Variants in OGN observed in about 807,000 individuals in gnomAD.
OGN encodes the protein mimecan.
Under a neutral mutation model 30.8 loss-of-function variants are expected in OGN, and 19 were observed. The observed-to-expected ratio is 0.62, with a 90% CI of 0.43 to 0.90. OGN has a LOEUF of 0.90. OGN is among the 40% of genes least tolerant of loss of function. OGN has a pLI of 0.00. For missense variants in OGN, 283 were observed against 349.7 expected, an observed-to-expected ratio of 0.81 and a Z score of 1.52; for synonymous variants, 126 against 128.3, an observed-to-expected ratio of 0.98 and a Z score of 0.12.
At chr9:92,386,728 G>T (rs1327754020) in intron 5 of OGN, among the ~76,000 whole-genome samples, 1 of 152,050 alleles carries the variant, frequency 6.6e-6, no homozygotes, top group African/African-American at 2.4e-5. Context: ...TAGCTAAGTG[G>T]TTACTTCTTA....
At chr9:92,391,359 A>G (rs918760334) in intron 4 of OGN, among the ~76,000 whole-genome samples, 4 of 152,186 alleles carry the variant, frequency 2.6e-5, no homozygotes, top group African/African-American at 7.2e-5. Flanking sequence ...GTGAGCCGAG[A>G]TGGTGCCACT....
intron 4 of OGN, among the ~76,000 whole-genome samples, chr9:92,390,578 G>T (rs933015718): frequency 2.0e-5 from 3 of 151,184 alleles, no homozygotes; most frequent in African/African-American, 7.3e-5. Context: ...GTGTGTGTGT[G>T]TGTGTGTGTG....
In OGN at chr9:92,387,053, G is replaced by GAA. The variant is rs903436031; in HGVS notation, c.631-759_631-758dup. On this transcript the variant is annotated intron_variant, in intron 5 of 6. Coordinates refer to ENST00000375561, the MANE Select transcript of OGN (RefSeq NM_014057.5). ...ACAGAGCGAGACTCTGTCTCAAAAA[G>GAA]AAAAAAAAAAAAAAAAAAAAAAGAA... Among the ~76,000 whole-genome samples the GAA allele has an allele frequency of 1.3e-3, 64 of 50,150 alleles. 1 individual carries two copies. The highest frequency in any genetic ancestry group is 2.6e-3 in the African/African-American group (33 of 12,568). The allele number at this position is 50,150 out of a possible 152,430, so 32.9% of individuals were successfully genotyped here.
chr9:92,390,018 C>CT lies in OGN; in HGVS notation c.465dup (p.Glu156ArgfsTer21). The CT allele has an allele frequency of 6.2e-7, 1 of 1,606,438 alleles. No homozygotes were observed. Among genetic ancestry groups the CT allele is most frequent in the Non-Finnish European group, 8.5e-7 (1 of 1,174,714 alleles). ...GAAAAAGTACCATCTTCTATATCTT[C>CT]TATCAAATTTCCTGTAAAATCGAGT... is the stretch of plus-strand genomic sequence containing the variant. On this transcript the variant is annotated frameshift_variant, in exon 5 of 7. Coordinates refer to ENST00000375561, the MANE Select transcript of OGN (RefSeq NM_014057.5). LOFTEE classifies it high-confidence loss of function.
intron 3 of OGN, among the ~76,000 whole-genome samples, chr9:92,395,164 C>CA (rs1480901547): frequency 1.3e-5 from 2 of 152,114 alleles, no homozygotes; most frequent in Non-Finnish European, 2.9e-5. Context: ...CCTGTCACTC[C>CA]AAAAAGTTTT....
At chr9:92,394,365 C>T (rs1052597773) in intron 3 of OGN, among the ~76,000 whole-genome samples, 1 of 151,750 alleles carries the variant, frequency 6.6e-6, no homozygotes, top group Non-Finnish European at 1.5e-5. Flanking sequence ...GCCTCAGCCT[C>T]CTGAGTAGCT....
At chr9:92,392,151 G>C (rs1180887710) in intron 4 of OGN, among the ~76,000 whole-genome samples, 19 of 151,984 alleles carry the variant, frequency 1.3e-4, no homozygotes, top group Admixed American at 1.2e-3. Context: ...CTGAGTTAAG[G>C]TTTGCTAGAA....
intron 4 of OGN, among the ~76,000 whole-genome samples, chr9:92,390,898 T>C (rs1220931512): frequency 1.3e-5 from 2 of 152,198 alleles, no homozygotes; most frequent in Admixed American, 6.5e-5. Context: ...ATTTTCCCTG[T>C]AGGCATATCA....
chr9:92,389,011 T>C (rs1439383922), intron 5 of OGN, among the ~76,000 whole-genome samples: 1 of 152,152 alleles, frequency 6.6e-6, no homozygotes, highest in Admixed American at 6.5e-5. Context: ...TTTGTACACT[T>C]TCTAACAGAT....
chr9:92,398,937 CT>C (rs1842998347), intron 3 of OGN, among the ~76,000 whole-genome samples: 2 of 151,970 alleles, frequency 1.3e-5, no homozygotes. Flanking sequence ...TGGCGCGTGC[CT>C]GTAATCCCAG....
chr9:92,387,053 GAAAAAA>G (rs903436031), intron 5 of OGN, among the ~76,000 whole-genome samples: 2 of 50,168 alleles, frequency 4.0e-5, no homozygotes, highest in African/African-American at 8.0e-5. Flanking sequence ...GTCTCAAAAA[GAAAAAA>G]AAAAAAAAAA....
chr9:92,402,950 A>G (rs1564301925), intron 2 of OGN, among the ~76,000 whole-genome samples: 1 of 152,204 alleles, frequency 6.6e-6, no homozygotes, highest in African/African-American at 2.4e-5. Flanking sequence ...TACTTAATAT[A>G]TAAATTGCAA....
chr9:92,394,958 A>G (rs1842835548), intron 3 of OGN, among the ~76,000 whole-genome samples: 1 of 152,182 alleles, frequency 6.6e-6, no homozygotes, highest in Non-Finnish European at 1.5e-5. Context: ...ATTGTGTCCC[A>G]TAAGTCATAA....
At chr9:92,402,701 A>G (rs897882643) in intron 2 of OGN, among the ~76,000 whole-genome samples, 2 of 152,236 alleles carry the variant, frequency 1.3e-5, no homozygotes, top group African/African-American at 4.8e-5. Context: ...ATTTAAAAAG[A>G]AAGTCCTATA....
chr9:92,404,374 AAATT>A, intron 1 of OGN, 118 bp downstream of exon 1: 2 of 533,962 alleles, frequency 3.7e-6, no homozygotes, highest in Non-Finnish European at 5.7e-6. Flanking sequence ...TACTTCTTAA[AAATT>A]AATTGAGGTA....
At chr9:92,389,143 G>T (rs561132435) in intron 5 of OGN, among the ~76,000 whole-genome samples, 1 of 152,090 alleles carries the variant, frequency 6.6e-6, no homozygotes, top group Non-Finnish European at 1.5e-5. Flanking sequence ...ATGAGATTAT[G>T]TCTGTTACCA....
At chr9:92,395,722 A>G (rs1160775256) in intron 3 of OGN, among the ~76,000 whole-genome samples, 2 of 151,984 alleles carry the variant, frequency 1.3e-5, no homozygotes, top group Non-Finnish European at 2.9e-5. Flanking sequence ...AGGGCATGTT[A>G]TAGTATCTCA....
rs115362539 is a variant in OGN, at chr9:92,396,872, A to T, written c.269-3628T>A. ...CTATTTCTTTTATATATTTTGATGG[A>T]TTTAAAAACATTTTGTCAGGAGACT... On this transcript the variant is annotated intron_variant, in intron 3 of 6. Coordinates refer to ENST00000375561, the MANE Select transcript of OGN (RefSeq NM_014057.5). 3.9e-3 allele frequency among the ~76,000 whole-genome samples: 597 copies of T among 152,150 alleles called. 3 individuals carry two copies. Among genetic ancestry groups the T allele is most frequent in the African/African-American group, 0.013 (541 of 41,492 alleles).
intron 1 of OGN, among the ~76,000 whole-genome samples, chr9:92,404,097 C>A (rs1322710754): frequency 2.0e-5 from 3 of 151,988 alleles, no homozygotes; most frequent in Non-Finnish European, 2.9e-5. Flanking sequence ...AGAGGAAATA[C>A]CGAACTTTAA....
Sources: gnomAD v4.1 joint callset for allele counts (sites outside exome capture counted in the v4.1 genomes callset) on GRCh38, gnomAD v4.1.1 for gene constraint, MANE v1.5 for transcripts, NCBI Gene and HGNC (gene_info 2026-07-23, HGNC 2026-07-21) for gene names.